The following EFCAB5 variants were observed in gnomAD, a reference collection of about 807,000 sequenced individuals.
The protein encoded by EFCAB5 is EF-hand calcium-binding domain-containing protein 5.
In EFCAB5, 131 loss-of-function variants were observed where a neutral mutation model predicts 167.9. The ratio of observed to expected loss-of-function variants is 0.78; its 90% CI spans 0.68 to 0.90. EFCAB5 has a LOEUF of 0.90. Among genes scored for constraint, EFCAB5 ranks in the 40% least tolerant of loss-of-function variants. The pLI, the probability that EFCAB5 is intolerant of heterozygous loss-of-function variation, is 0.00. For missense variants in EFCAB5, 1,663 were observed against 1,745.2 expected, an observed-to-expected ratio of 0.95 and a Z score of 0.84; for synonymous variants, 574 against 602.8, an observed-to-expected ratio of 0.95 and a Z score of 0.70.
At chr17:30,047,737 T>C (rs2069967102) in intron 8 of EFCAB5, among the ~76,000 whole-genome samples, 1 of 152,224 alleles carries the variant, frequency 6.6e-6, no homozygotes, top group Admixed American at 6.5e-5. Flanking sequence ...TAATGCCTAC[T>C]AAATTATTAC....
At chr17:29,994,133 AAT>A (rs55875315) in intron 5 of EFCAB5, among the ~76,000 whole-genome samples, 6,482 of 55,272 alleles carry the variant, frequency 0.12, 208 homozygotes, top group Non-Finnish European at 0.13. Context: ...AACAACAACA[AAT>A]ATATATATAT....
At chr17:29,963,591 A>G (rs549510413) in intron 3 of EFCAB5, among the ~76,000 whole-genome samples, 1 of 152,270 alleles carries the variant, frequency 6.6e-6, no homozygotes, top group East Asian at 1.9e-4. Flanking sequence ...CACCTCTTCA[A>G]TTTTTTACAA....
chr17:30,073,322 G>T (rs1567759568), intron 14 of EFCAB5: 3 of 541,718 alleles, frequency 5.5e-6, no homozygotes, highest in Admixed American at 3.3e-5. Flanking sequence ...CTCCCGAAGT[G>T]CTGGGATTAC....
chr17:30,038,227 G>T lies in EFCAB5; in HGVS notation c.1200+3842G>T, dbSNP rs1009895824. 2.8e-4 allele frequency among the ~76,000 whole-genome samples: 42 copies of T among 152,212 alleles called. 2 individuals are homozygous for T. ...AGGCCTAGCAGACTCTCTTCTTAGA[G>T]GCTAGTGCAGCTGGTGACTTTCAGT... On this transcript the variant is annotated intron_variant, in intron 8 of 22. Coordinates refer to ENST00000394835, the MANE Select transcript of EFCAB5 (RefSeq NM_198529.4).
intron 13 of EFCAB5, 162 bp from the exon 14 acceptor site, chr17:30,059,383 C>T (rs937719684): frequency 3.2e-6 from 2 of 625,018 alleles, no homozygotes; most frequent in Non-Finnish European, 2.4e-6. Flanking sequence ...TACAGGGATG[C>T]ACCACTGCTG....
Position 30,108,136 on chromosome 17 carries a change from C to A in EFCAB5, c.*112C>A. On this transcript the variant is annotated 3_prime_UTR_variant, in exon 23 of 23. Transcript: ENST00000394835. Reference sequence around the variant, plus strand: ...GGAAAGGGGTACCTATAAATGTCTTCTGCTGCTAATATTTATCTCAGCACT... The same window carrying A: ...GGAAAGGGGTACCTATAAATGTCTTATGCTGCTAATATTTATCTCAGCACT... 1 of 1,218,836 alleles carries A rather than the reference C, an allele frequency of 8.2e-7. No individual in the cohort carries two copies. Among genetic ancestry groups the A allele is most frequent in the Non-Finnish European group, 1.1e-6 (1 of 893,744 alleles). The allele number at this position is 1,218,836 out of a possible 1,614,324, so 75.5% of individuals were successfully genotyped here.
intron 22 of EFCAB5, among the ~76,000 whole-genome samples, chr17:30,103,962 G>T (rs2071413191): frequency 6.6e-6 from 1 of 152,198 alleles, no homozygotes; most frequent in South Asian, 2.1e-4. Flanking sequence ...AGTGAGCCAA[G>T]ATCACGCCAT....
At chr17:30,026,891 A>G (rs1428798085) in intron 7 of EFCAB5, among the ~76,000 whole-genome samples, 1 of 149,602 alleles carries the variant, frequency 6.7e-6, no homozygotes, top group Non-Finnish European at 1.5e-5. Context: ...CATCTTTCAC[A>G]AGAAAATTTC....
At chr17:29,967,122 A>C (rs966837987) in intron 3 of EFCAB5, among the ~76,000 whole-genome samples, 1 of 152,130 alleles carries the variant, frequency 6.6e-6, no homozygotes, top group Admixed American at 6.5e-5. Context: ...CATTTGTTCT[A>C]TTTAATGGTA....
intron 20 of EFCAB5, among the ~76,000 whole-genome samples, chr17:30,091,052 C>T (rs146682162): frequency 2.6e-5 from 4 of 152,272 alleles, no homozygotes; most frequent in South Asian, 2.1e-4. Context: ...AGCAAATTGC[C>T]CCCAGTCACA....
At chr17:29,996,092 C>G (rs1277749086) in intron 5 of EFCAB5, among the ~76,000 whole-genome samples, 2 of 152,068 alleles carry the variant, frequency 1.3e-5, no homozygotes, top group Non-Finnish European at 2.9e-5. Context: ...AAATTGAAAT[C>G]CATGCATTTT....
intron 22 of EFCAB5, among the ~76,000 whole-genome samples, chr17:30,103,426 A>T (rs2071405981): frequency 6.6e-6 from 1 of 152,128 alleles, no homozygotes; most frequent in African/African-American, 2.4e-5. Flanking sequence ...ATTATGTGAT[A>T]TTGTACAGAA....
chr17:29,974,512 A>C (rs1026430581), intron 4 of EFCAB5, among the ~76,000 whole-genome samples: 1 of 151,812 alleles, frequency 6.6e-6, no homozygotes. Flanking sequence ...ACTGCACTCT[A>C]TCTTGGGTGA....
chr17:30,053,459 CA>C lies in EFCAB5; in HGVS notation c.1506del (p.Pro503GlnfsTer10). ...KLNEQRTSTP[S>X]PNPPEQQRGV... Reference sequence around the variant, plus strand: ...AACGAACAGAGAACATCAACACCATCACCAAACCCGCCAGAACAGCAGAGAG... The same window carrying C: ...AACGAACAGAGAACATCAACACCATCCCAAACCCGCCAGAACAGCAGAGAG... On this transcript the variant is annotated frameshift_variant, in exon 10 of 23. Transcript: ENST00000394835. LOFTEE classifies it high-confidence loss of function. 1.9e-6 allele frequency: 3 copies of C among 1,613,982 alleles called. No individual in the cohort carries two copies. Among genetic ancestry groups the C allele is most frequent in the Non-Finnish European group, 2.5e-6 (3 of 1,179,900 alleles).
At chr17:30,094,518 A>AT (rs1309520183) in intron 22 of EFCAB5, among the ~76,000 whole-genome samples, 93 of 148,428 alleles carry the variant, frequency 6.3e-4, no homozygotes, top group African/African-American at 2.2e-3. Context: ...AAAAAAAAAA[A>AT]AAAAAAAAAA....
chr17:29,977,275 C>G (rs1052761035), intron 4 of EFCAB5, among the ~76,000 whole-genome samples: 1 of 152,080 alleles, frequency 6.6e-6, no homozygotes, highest in Admixed American at 6.5e-5. Context: ...GGTGGTTACA[C>G]ATACTCATAT....
chr17:29,941,261 G>T (rs2067294295), upstream of EFCAB5, among the ~76,000 whole-genome samples: 1 of 151,956 alleles, frequency 6.6e-6, no homozygotes, highest in Non-Finnish European at 1.5e-5. Flanking sequence ...GTAAAGTGGG[G>T]ATCTGGTAAT....
chr17:29,955,967 C>A (rs2067607123), intron 3 of EFCAB5, among the ~76,000 whole-genome samples: 1 of 152,080 alleles, frequency 6.6e-6, no homozygotes, highest in South Asian at 2.1e-4. Context: ...CAAAAGCAGA[C>A]AAATAGACCA....
chr17:30,108,190 G>T lies in EFCAB5; in HGVS notation c.*166G>T, dbSNP rs764493144. 2 of 701,398 alleles carry T rather than the reference G, an allele frequency of 2.9e-6. No homozygotes were observed. Among genetic ancestry groups the T allele is most frequent in the Non-Finnish European group, 4.3e-6 (2 of 466,136 alleles). The allele number at this position is 701,398 out of a possible 1,614,324, so 43.4% of individuals were successfully genotyped here. A position where few individuals can be genotyped will look rare whatever the true frequency, so the allele number is the denominator to read the frequency against. On this transcript the variant is annotated 3_prime_UTR_variant, in exon 23 of 23. Coordinates refer to ENST00000394835, the MANE Select transcript of EFCAB5 (RefSeq NM_198529.4). ...TAAACCCAAAAGTGCTACCTAAGAA[G>T]AAATTTAGCCAAAAAATACCCAGCT...
Sources: allele counts gnomAD v4.1 joint callset (sites outside exome capture counted in the v4.1 genomes callset), GRCh38; gene constraint gnomAD v4.1.1; transcripts MANE v1.5; gene names NCBI Gene and HGNC (gene_info 2026-07-23, HGNC 2026-07-21).